The following MXI1 variants were observed in gnomAD, a reference collection of about 807,000 sequenced individuals.
MXI1 encodes max-interacting protein 1.
In MXI1, 18 loss-of-function variants were observed where a neutral mutation model predicts 36.9. The ratio of observed to expected loss-of-function variants is 0.49; its 90% CI spans 0.34 to 0.72. The LOEUF (loss-of-function observed/expected upper bound fraction) is 0.72, where lower values mean the gene tolerates loss of function less well. Ranked by LOEUF, MXI1 falls within the 30% of genes least tolerant of loss-of-function variation. MXI1 has a pLI of 0.01. For missense variants in MXI1, 304 were observed against 379.1 expected, an observed-to-expected ratio of 0.80 and a Z score of 1.64; for synonymous variants, 160 against 146.7, an observed-to-expected ratio of 1.09 and a Z score of -0.65.
chr10:110,259,392 CAGG>C (rs1205327322), intron 3 of MXI1, among the ~76,000 whole-genome samples: 1 of 152,044 alleles, frequency 6.6e-6, no homozygotes, highest in African/African-American at 2.4e-5. Flanking sequence ...AATAATTACA[CAGG>C]AGAATCCTAC....
chr10:110,231,368 C>CG (rs752660831), intron 2 of MXI1, among the ~76,000 whole-genome samples: 40 of 150,714 alleles, frequency 2.7e-4, no homozygotes, highest in South Asian at 2.6e-3. Flanking sequence ...ATCCACCCCC[C>CG]CCCCCTCAAA....
At chr10:110,242,306 TC>T (rs1855696848) in intron 2 of MXI1, among the ~76,000 whole-genome samples, 1 of 152,018 alleles carries the variant, frequency 6.6e-6, no homozygotes, top group Non-Finnish European at 1.5e-5. Context: ...GCTAAACATA[TC>T]TTAATTTACC....
intron 1 of MXI1, among the ~76,000 whole-genome samples, chr10:110,210,718 G>T (rs902752508): frequency 6.6e-6 from 1 of 152,214 alleles, no homozygotes; most frequent in Non-Finnish European, 1.5e-5. Context: ...CTCGTTTTAT[G>T]GGGGGCGCTT....
intron 1 of MXI1, among the ~76,000 whole-genome samples, chr10:110,221,332 T>C (rs1273777292): frequency 6.6e-6 from 1 of 152,230 alleles, no homozygotes; most frequent in Non-Finnish European, 1.5e-5. Context: ...ATGGGGACTG[T>C]ATTGAGAAAC....
chr10:110,270,442 T>A (rs539191116), intron 3 of MXI1, among the ~76,000 whole-genome samples: 31 of 136,648 alleles, frequency 2.3e-4, no homozygotes, highest in East Asian at 1.2e-3. Flanking sequence ...TTTAATTATT[T>A]TTTTTTTTTT....
At chr10:110,265,146 A>AG (rs1352859808) in intron 3 of MXI1, among the ~76,000 whole-genome samples, 1 of 152,154 alleles carries the variant, frequency 6.6e-6, no homozygotes, top group Non-Finnish European at 1.5e-5. Flanking sequence ...AGTACGGAGG[A>AG]GTTAGATGCT....
intron 5 of MXI1, among the ~76,000 whole-genome samples, chr10:110,280,543 G>A (rs913591386): frequency 1.3e-5 from 2 of 151,830 alleles, no homozygotes; most frequent in South Asian, 4.2e-4. Context: ...AGACGGGCGT[G>A]GTGGCAGGCG....
At chr10:110,263,818 G>C (rs1330235512) in intron 3 of MXI1, among the ~76,000 whole-genome samples, 1 of 151,998 alleles carries the variant, frequency 6.6e-6, no homozygotes, top group East Asian at 1.9e-4. Context: ...CATCATTTAA[G>C]GCCTGTAGAA....
At chr10:110,266,415 G>A (rs920618824) in intron 3 of MXI1, among the ~76,000 whole-genome samples, 35 of 152,220 alleles carry the variant, frequency 2.3e-4, no homozygotes, top group African/African-American at 8.4e-4. Flanking sequence ...GCCTAATACA[G>A]TGTCATTTTT....
At chr10:110,277,085 G>C (rs1174266677) in intron 3 of MXI1, among the ~76,000 whole-genome samples, 1 of 152,042 alleles carries the variant, frequency 6.6e-6, no homozygotes, top group Non-Finnish European at 1.5e-5. Flanking sequence ...GCCTCAGTCT[G>C]CCCACCTTGG....
chr10:110,216,288 G>A (rs901593637), intron 1 of MXI1, among the ~76,000 whole-genome samples: 1 of 152,152 alleles, frequency 6.6e-6, no homozygotes, highest in Non-Finnish European at 1.5e-5. Flanking sequence ...GGTAAGATGT[G>A]GAATTATGTT....
At chr10:110,281,349 A>G (rs1170214549) in intron 5 of MXI1, among the ~76,000 whole-genome samples, 1 of 152,186 alleles carries the variant, frequency 6.6e-6, no homozygotes, top group African/African-American at 2.4e-5. Flanking sequence ...ACCCCACAAA[A>G]TTAATTCAGA....
chr10:110,261,401 A>G (rs1471005295), intron 3 of MXI1, among the ~76,000 whole-genome samples: 1 of 150,938 alleles, frequency 6.6e-6, no homozygotes, highest in Non-Finnish European at 1.5e-5. Flanking sequence ...GTCCCCCTGT[A>G]GCATTTATCA....
intron 2 of MXI1, among the ~76,000 whole-genome samples, chr10:110,231,036 C>A (rs902968154): frequency 6.6e-6 from 1 of 152,108 alleles, no homozygotes; most frequent in African/African-American, 2.4e-5. Flanking sequence ...CTATTTTACC[C>A]CTGATATTCT....
At chr10:110,282,753 G>A (rs1467198996) in intron 5 of MXI1, among the ~76,000 whole-genome samples, 1 of 152,058 alleles carries the variant, frequency 6.6e-6, no homozygotes, top group Non-Finnish European at 1.5e-5. Flanking sequence ...GTAGTGTTAT[G>A]GGGGCTTTTA....
intron 1 of MXI1, among the ~76,000 whole-genome samples, chr10:110,217,668 T>C (rs1854687360): frequency 6.6e-6 from 1 of 152,216 alleles, no homozygotes; most frequent in Admixed American, 6.5e-5. Context: ...AACAAATAAT[T>C]TCTAAAACCT....
chr10:110,219,581 A>T (rs768392171), intron 1 of MXI1, among the ~76,000 whole-genome samples: 1 of 152,152 alleles, frequency 6.6e-6, no homozygotes, highest in Non-Finnish European at 1.5e-5. Context: ...GTTTGAGAAG[A>T]TGTCTTAAAC....
In MXI1 at chr10:110,209,345, GAGAGAA is replaced by G. The variant is rs1854448361; in HGVS notation, c.274+1267_274+1272del. On this transcript the variant is annotated intron_variant, in intron 1 of 5. Transcript: ENST00000332674. ...CGTGTGCGCGTGTGTGTGTGAGAGA[GAGAGAA>G]AGAAAGAAGAAAGGTCCCGATTGCA... Among the ~76,000 whole-genome samples the G allele has an allele frequency of 2.0e-5, 3 of 151,984 alleles. No individual in the cohort carries two copies. In the South Asian group the frequency reaches 6.2e-4, roughly 32 times the overall value.
intron 1 of MXI1, chr10:110,226,253 G>A: frequency 6.7e-7 from 1 of 1,502,362 alleles, no homozygotes; most frequent in Non-Finnish European, 8.9e-7. Context: ...TCTGCTGGAG[G>A]CTGCCGAGTT....
Sources: allele counts gnomAD v4.1 joint callset (sites outside exome capture counted in the v4.1 genomes callset), GRCh38; gene constraint gnomAD v4.1.1; transcripts MANE v1.5; gene names NCBI Gene and HGNC (gene_info 2026-07-23, HGNC 2026-07-21).